The following FMNL3 variants were observed in gnomAD, a reference collection of about 807,000 sequenced individuals.
FMNL3 encodes the protein formin like 3.
A neutral mutation model predicts 119.6 loss-of-function variants in FMNL3; 57 were observed. The ratio of observed to expected loss-of-function variants is 0.48; its 90% confidence interval spans 0.39 to 0.59. FMNL3 has a LOEUF of 0.59. Among genes scored for constraint, FMNL3 ranks in the 20% least tolerant of loss-of-function variants. The pLI is 0.00. For synonymous variants in FMNL3, 491 were observed against 507.3 expected (o/e 0.97, Z 0.43); for missense variants, 1,053 against 1,323.5 (o/e 0.80, Z 3.17).
rs1450374368 is a variant in FMNL3, at chr12:49,640,906, A to G, written c.*4909T>C. 1 of 152,180 alleles carries G rather than the reference A, an allele frequency of 6.6e-6. No homozygotes were observed. 9.4% of individuals were successfully genotyped at this position (152,180 alleles called of 1,614,324 possible). ...TAACAAGGGTGACTTGGAGCTTTCA[A>G]TTCCCTGAGAATGAATGCTGTGTTG... On this transcript the variant is annotated 3_prime_UTR_variant, in exon 26 of 26. Coordinates refer to ENST00000335154, the MANE Select transcript of FMNL3 (RefSeq NM_175736.5).
intron 1 of FMNL3, among the ~76,000 whole-genome samples, chr12:49,681,369 GTT>G (rs1484358496): frequency 2.0e-5 from 3 of 152,108 alleles, no homozygotes; most frequent in Non-Finnish European, 4.4e-5. Context: ...TCCCAGCTAA[GTT>G]TTTGTATTTT....
In FMNL3 at chr12:49,648,359, C is replaced by T; in HGVS notation, c.2516-6G>A. 1 of 1,607,840 alleles carries T rather than the reference C, an allele frequency of 6.2e-7. No homozygotes were observed. Among genetic ancestry groups the T allele is most frequent in the Non-Finnish European group, 8.5e-7 (1 of 1,175,956 alleles). On this transcript the variant is annotated splice_region_variant and splice_polypyrimidine_tract_variant and intron_variant, in intron 21 of 25. Transcript: ENST00000335154. Reference sequence around the variant, plus strand: ...CAGCACGTTCTCCAGGGACACTGGTCACCAAAAGCCTGGCTGAGGAATGCC... The same window carrying T: ...CAGCACGTTCTCCAGGGACACTGGTTACCAAAAGCCTGGCTGAGGAATGCC...
rs1942458988 is a variant in FMNL3, at chr12:49,640,401, A to C, written c.*5414T>G. The C allele has an allele frequency of 6.6e-6, 1 of 152,254 alleles. No homozygotes were observed. The highest frequency in any genetic ancestry group is 2.4e-5 in the African/African-American group (1 of 41,440). 9.4% of individuals were successfully genotyped at this position (152,254 alleles called of 1,614,324 possible). On this transcript the variant is annotated 3_prime_UTR_variant, in exon 26 of 26. Transcript: ENST00000335154. ...GTTCTCAGGAACATGCATATGCAAG[A>C]GAATAAAAGGTCAGAGAGGGTGTGA... is the stretch of plus-strand genomic sequence containing the variant.
At chr12:49,665,798 C>T in intron 4 of FMNL3, 34 bp downstream of exon 4, 1 of 1,609,260 alleles carries the variant, frequency 6.2e-7, no homozygotes, top group Non-Finnish European at 8.5e-7. Context: ...AGCCTGGGGC[C>T]AGATGAAGAG....
At chr12:49,706,601 G>A (rs1945054555) in intron 1 of FMNL3, among the ~76,000 whole-genome samples, 2 of 152,096 alleles carry the variant, frequency 1.3e-5, no homozygotes, top group Admixed American at 6.5e-5. Flanking sequence ...CCACTCCCTG[G>A]GAAGCCTCCA....
chr12:49,658,469 G>T lies in FMNL3; in HGVS notation c.578C>A (p.Ala193Asp). 1 of 1,611,920 alleles carries T rather than the reference G, an allele frequency of 6.2e-7. No individual in the cohort carries two copies. Among genetic ancestry groups the T allele is most frequent in the Non-Finnish European group, 8.5e-7 (1 of 1,178,734 alleles). ...ALSAPFTNSL[A>D]RSARQSVLRY... ...GAGCACAGACTGGCGCGCAGAGCGA[G>T]CGAGGCTGTTGGTGAAGGGGGCCGA... is the stretch of plus-strand genomic sequence containing the variant. Residue 193 changes from alanine (A) to aspartate (D), a missense_variant, in exon 6 of 26, where the codon GCT (alanine) becomes GAT (aspartate). By Grantham distance (126) the Ala-to-Asp change is moderately radical (BLOSUM62 -2). Transcript: ENST00000335154.
chr12:49,690,552 T>G (rs1414465263), intron 1 of FMNL3, among the ~76,000 whole-genome samples: 5 of 152,138 alleles, frequency 3.3e-5, no homozygotes, highest in African/African-American at 4.8e-5. Flanking sequence ...GTAGTAAATT[T>G]AAAACAAAAA....
At position 49,650,764 on chromosome 12, in the gene FMNL3, G is replaced by GA; in HGVS notation, c.1911dup (p.Leu638SerfsTer22). On this transcript the variant is annotated frameshift_variant, in exon 17 of 26. Transcript: ENST00000335154. LOFTEE classifies it high-confidence loss of function. The stretch of plus-strand genomic sequence containing the variant: ...TTCTTGGCACGATTGGCTTCCAACA[G>GA]AGTCACCTTGCTGGCAGCTTTTTGC... 1 of 1,614,254 alleles carries GA rather than the reference G, an allele frequency of 6.2e-7. No individual in the cohort carries two copies. Among genetic ancestry groups the GA allele is most frequent in the Non-Finnish European group, 8.5e-7 (1 of 1,180,048 alleles).
At chr12:49,706,969 G>T in intron 1 of FMNL3, 86 bp downstream of exon 1, 1 of 1,448,434 alleles carries the variant, frequency 6.9e-7, no homozygotes, top group Non-Finnish European at 9.3e-7. Context: ...AGGGTGGGCG[G>T]GACGGGGGCC....
chr12:49,686,634 C>CA (rs1326027045), intron 1 of FMNL3, among the ~76,000 whole-genome samples: 5 of 150,840 alleles, frequency 3.3e-5, no homozygotes, highest in Non-Finnish European at 5.9e-5. Flanking sequence ...CACTGAGCCC[C>CA]AAAACTCTTA....
Position 49,647,386 on chromosome 12 carries a change from TG to T in FMNL3, c.2779-19del. 7 of 1,607,818 alleles carry T rather than the reference TG, an allele frequency of 4.4e-6. No homozygotes were observed. Among genetic ancestry groups the T allele is most frequent in the Non-Finnish European group, 2.5e-6 (3 of 1,178,326 alleles). On this transcript the variant is annotated intron_variant, in intron 23 of 25. Transcript: ENST00000335154. The surrounding 1 kb of genome is among the most constrained non-coding windows in gnomAD (Gnocchi z 4.9). Reference sequence around the variant, plus strand: ...TCTGCTTCCTAAGAGCCATGGAAGATGGGGGGTGGGGAGTGAGGCTCATAGG... The same window carrying T: ...TCTGCTTCCTAAGAGCCATGGAAGATGGGGGTGGGGAGTGAGGCTCATAGG...
At chr12:49,686,193 A>C (rs956018393) in intron 1 of FMNL3, among the ~76,000 whole-genome samples, 46 of 151,824 alleles carry the variant, frequency 3.0e-4, no homozygotes, top group Non-Finnish European at 5.3e-4. Context: ...CTGCAGCCTC[A>C]ATCTCCCAGG....
chr12:49,702,862 ATGG>A (rs1346366717), intron 1 of FMNL3, among the ~76,000 whole-genome samples: 1 of 152,160 alleles, frequency 6.6e-6, no homozygotes, highest in Non-Finnish European at 1.5e-5. Flanking sequence ...AATTTCCACC[ATGG>A]TGATTTGGAA....
intron 1 of FMNL3, among the ~76,000 whole-genome samples, chr12:49,696,274 T>C (rs1211685480): frequency 1.3e-5 from 2 of 152,154 alleles, no homozygotes; most frequent in South Asian, 2.1e-4. Context: ...ATGTGGGGAA[T>C]TGGTTCCAGG....
At chr12:49,686,041 T>C (rs1401276541) in intron 1 of FMNL3, among the ~76,000 whole-genome samples, 1 of 152,118 alleles carries the variant, frequency 6.6e-6, no homozygotes, top group East Asian at 1.9e-4. Context: ...TACTCCACCC[T>C]GGGCGACAGA....
At chr12:49,704,710 CAAAAAAAAAAAA>C (rs59799899) in intron 1 of FMNL3, among the ~76,000 whole-genome samples, 10 of 37,848 alleles carry the variant, frequency 2.6e-4, no homozygotes, top group East Asian at 1.8e-3. Context: ...AACTCCATCT[CAAAAAAAAAAAA>C]AAAAAAAAAA....
rs963549504 is a variant in FMNL3, at chr12:49,637,883, G to A, written c.*7932C>T. On this transcript the variant is annotated 3_prime_UTR_variant, in exon 26 of 26. Transcript: ENST00000335154. ...ATGGATGCAGGGCACACTCCCTGCAGAGGACTCCCTGATAAGTCCTGTTTT... is the reference window on the plus strand; with the variant it reads ...ATGGATGCAGGGCACACTCCCTGCAAAGGACTCCCTGATAAGTCCTGTTTT... The A allele has an allele frequency of 1.1e-5, 15 of 1,380,300 alleles. No individual in the cohort carries two copies. The highest frequency in any genetic ancestry group is 1.5e-5 in the Non-Finnish European group (15 of 974,234). 85.5% of individuals were successfully genotyped at this position (1,380,300 alleles called of 1,614,324 possible). A position where few individuals can be genotyped will look rare whatever the true frequency, so the allele number is the denominator to read the frequency against.
chr12:49,636,966 C>T lies in FMNL3; in HGVS notation c.*8849G>A. 1 of 1,473,206 alleles carries T rather than the reference C, an allele frequency of 6.8e-7. No individual in the cohort carries two copies. Among genetic ancestry groups the T allele is most frequent in the Non-Finnish European group, 9.2e-7 (1 of 1,085,974 alleles). The allele number at this position is 1,473,206 out of a possible 1,614,324, so 91.3% of individuals were successfully genotyped here. On this transcript the variant is annotated 3_prime_UTR_variant, in exon 26 of 26. Transcript: ENST00000335154. Reference sequence around the variant, plus strand: ...CTGTTCTTTCTGTGCCTAGCCCTGTCCAAGCTCTATGAGACCTCTCTCTGC... The same window carrying T: ...CTGTTCTTTCTGTGCCTAGCCCTGTTCAAGCTCTATGAGACCTCTCTCTGC...
chr12:49,642,906 C>G lies in FMNL3; in HGVS notation c.*2909G>C. ...GGGGCTAAGTCTGGTGCTGTCCTCA[C>G]CCTTCTTCCTCTGCCTCTAGCAGAC... On this transcript the variant is annotated 3_prime_UTR_variant, in exon 26 of 26. Coordinates refer to ENST00000335154, the MANE Select transcript of FMNL3 (RefSeq NM_175736.5). This position sits in a 1 kb window ranked among gnomAD's most constrained non-coding sequence, Gnocchi z 5.8. 6.2e-7 allele frequency: 1 copy of G among 1,605,148 alleles called. No individual in the cohort carries two copies. The highest frequency in any genetic ancestry group is 8.5e-7 in the Non-Finnish European group (1 of 1,175,100).
Sources: allele counts gnomAD v4.1 joint callset (sites outside exome capture counted in the v4.1 genomes callset), GRCh38; gene constraint gnomAD v4.1.1; non-coding constraint Gnocchi (gnomAD v3.1); transcripts MANE v1.5; gene names NCBI Gene and HGNC (gene_info 2026-07-23, HGNC 2026-07-21).